The following SIAE variants were observed in gnomAD, a reference collection of about 807,000 sequenced individuals.
SIAE encodes the protein sialate O-acetylesterase.
Under a neutral mutation model 52.6 loss-of-function variants are expected in SIAE, and 39 were observed. That is an observed-to-expected ratio of 0.74 (90% CI 0.57 to 0.97). The LOEUF (loss-of-function observed/expected upper bound fraction) is 0.97. SIAE is among the 50% of genes least tolerant of loss of function. SIAE has a pLI of 0.00. For synonymous variants in SIAE, 233 were observed against 241.4 expected, an observed-to-expected ratio of 0.97 and a Z score of 0.32; for missense variants, 592 against 662.1, an observed-to-expected ratio of 0.89 and a Z score of 1.16.
At chr11:124,649,894 G>A in intron 4 of SIAE, 98 bp from the exon 5 acceptor site, 1 of 1,124,406 alleles carries the variant, frequency 8.9e-7, no homozygotes, top group Non-Finnish European at 1.3e-6. Context: ...GTGGGCAGAG[G>A]TCATTCTTCT....
At chr11:124,640,629 A>G (rs1179962136) in intron 7 of SIAE, among the ~76,000 whole-genome samples, 2 of 152,198 alleles carry the variant, frequency 1.3e-5, no homozygotes, top group Non-Finnish European at 2.9e-5. Context: ...GCTAAATTGC[A>G]TCAGTGACCC....
intron 7 of SIAE, among the ~76,000 whole-genome samples, chr11:124,643,304 T>C (rs1591384904): frequency 6.6e-6 from 1 of 151,874 alleles, no homozygotes; most frequent in African/African-American, 2.4e-5. Flanking sequence ...GGTCGGCGGG[T>C]AATGTGGGCA....
At chr11:124,644,770 T>C (rs891076824) in intron 7 of SIAE, among the ~76,000 whole-genome samples, 1 of 152,212 alleles carries the variant, frequency 6.6e-6, no homozygotes, top group Non-Finnish European at 1.5e-5. Context: ...GCTGTTTCGC[T>C]CTCAGGCTCC....
In SIAE at chr11:124,636,983, C is replaced by G. The variant is rs766162878; in HGVS notation, c.1540G>C (p.Gly514Arg). 1.2e-6 allele frequency: 2 copies of G among 1,614,100 alleles called. No individual in the cohort carries two copies. The highest frequency in any genetic ancestry group is 1.1e-5 in the South Asian group (1 of 91,072). Residue 514 changes from glycine (G) to arginine (R), a missense_variant, in exon 10 of 10, where the codon GGT (glycine) becomes CGT (arginine). Coordinates refer to ENST00000263593, the MANE Select transcript of SIAE (RefSeq NM_170601.5). ...PPFIAFITDQ[G>R]PGHQSNVAK Reference sequence around the variant, plus strand: ...GCAACATTGCTCTGATGTCCAGGACCCTGGTCTGTAATGAAAGCAATGAAG... The same window carrying G: ...GCAACATTGCTCTGATGTCCAGGACGCTGGTCTGTAATGAAAGCAATGAAG...
At chr11:124,655,477 T>C (rs1486473607) in intron 3 of SIAE, among the ~76,000 whole-genome samples, 1 of 152,128 alleles carries the variant, frequency 6.6e-6, no homozygotes, top group African/African-American at 2.4e-5. Flanking sequence ...ACCCAGCCAA[T>C]TAACTTCTTT....
At chr11:124,656,811 T>C (rs1943108135) in intron 3 of SIAE, among the ~76,000 whole-genome samples, 1 of 152,206 alleles carries the variant, frequency 6.6e-6, no homozygotes, top group Non-Finnish European at 1.5e-5. Context: ...CAGTTACCGC[T>C]TGCCTCAGGG....
chr11:124,634,813 T>C lies in SIAE; in HGVS notation c.*2138A>G, dbSNP rs1403927911. ...ACAAAATAATATGTACTGTATAAAA[T>C]TATATAACTCAAGTCAAGTGAATGG... On this transcript the variant is annotated 3_prime_UTR_variant, in exon 10 of 10. Transcript: ENST00000263593. The C allele has an allele frequency of 6.6e-6, 1 of 152,168 alleles. No individual in the cohort carries two copies. Among genetic ancestry groups the C allele is most frequent in the Non-Finnish European group, 1.5e-5 (1 of 68,024 alleles). 9.4% of individuals were successfully genotyped at this position (152,168 alleles called of 1,614,324 possible). A position where few individuals can be genotyped will look rare whatever the true frequency, so the allele number is the denominator to read the frequency against.
At chr11:124,655,083 C>G (rs758544268) in intron 3 of SIAE, among the ~76,000 whole-genome samples, 95 of 152,058 alleles carry the variant, frequency 6.2e-4, no homozygotes, top group Admixed American at 9.8e-4. Context: ...GAATATTGCC[C>G]AGCACTTACA....
chr11:124,635,314 A>G lies in SIAE; in HGVS notation c.*1637T>C, dbSNP rs1942703727. 3 of 152,198 alleles carry G rather than the reference A, an allele frequency of 2.0e-5. No homozygotes were observed. The highest frequency in any genetic ancestry group is 2.0e-4 in the Admixed American group (3 of 15,282). 9.4% of individuals were successfully genotyped at this position (152,198 alleles called of 1,614,324 possible). On this transcript the variant is annotated 3_prime_UTR_variant, in exon 10 of 10. Coordinates refer to ENST00000263593, the MANE Select transcript of SIAE (RefSeq NM_170601.5). ...TAACTGAACGAGTTGAATGCTAGGA[A>G]GTCCTCAGGGGAGCCAACGTTCCTT...
rs1186440421 is a variant in SIAE, at chr11:124,637,109, G to A, written c.1414C>T (p.His472Tyr). ...QSLTLAIDSCHGTVVALRYAW... is the reference protein window; with the variant it reads ...QSLTLAIDSCYGTVVALRYAW... ...TAGCGGAGAGCAACCACAGTGCCAT[G>A]ACAAGAATCGATCGCCAGGGTCAGG... Residue 472 changes from histidine to tyrosine, a missense_variant, in exon 10 of 10, where the codon CAT (histidine) becomes TAT (tyrosine). Physicochemically the swap from His to Tyr is moderately conservative, Grantham distance 83. Transcript: ENST00000263593. 2.5e-6 allele frequency: 4 copies of A among 1,614,182 alleles called. No individual in the cohort carries two copies. The Admixed American group carries it at 5.0e-5, about 20-fold the overall frequency.
chr11:124,651,836 A>G (rs768445695), intron 4 of SIAE, among the ~76,000 whole-genome samples: 5 of 152,162 alleles, frequency 3.3e-5, no homozygotes, highest in Non-Finnish European at 7.3e-5. Flanking sequence ...CTGTATCCCC[A>G]GCGTCCAGGA....
At chr11:124,651,389 T>C (rs991733654) in intron 4 of SIAE, among the ~76,000 whole-genome samples, 2 of 151,672 alleles carry the variant, frequency 1.3e-5, no homozygotes, top group African/African-American at 4.8e-5. Flanking sequence ...CTACTAAAAA[T>C]ACAAAAAAAT....
chr11:124,641,123 A>G (rs914887705), intron 7 of SIAE, among the ~76,000 whole-genome samples: 1 of 152,260 alleles, frequency 6.6e-6, no homozygotes, highest in Non-Finnish European at 1.5e-5. Context: ...AGAAATAAAC[A>G]TAAGGATTGA....
At chr11:124,666,909 T>C (rs972044544) in intron 2 of SIAE, among the ~76,000 whole-genome samples, 1 of 152,202 alleles carries the variant, frequency 6.6e-6, no homozygotes, top group Non-Finnish European at 1.5e-5. Flanking sequence ...CTCCTAATTA[T>C]TACCTTTCAT....
chr11:124,658,192 A>T (rs558376811), intron 3 of SIAE, among the ~76,000 whole-genome samples: 19 of 152,146 alleles, frequency 1.2e-4, no homozygotes, highest in Non-Finnish European at 2.5e-4. Context: ...GAATCTTGGC[A>T]TGGGGTCTGC....
intron 2 of SIAE, among the ~76,000 whole-genome samples, chr11:124,667,253 G>A (rs1943285952): frequency 6.6e-6 from 1 of 152,120 alleles, no homozygotes; most frequent in Non-Finnish European, 1.5e-5. Context: ...CAAACAGAAA[G>A]CACTGAGAGT....
intron 8 of SIAE, among the ~76,000 whole-genome samples, chr11:124,639,037 A>G (rs767854408): frequency 1.3e-5 from 2 of 152,198 alleles, no homozygotes; most frequent in Non-Finnish European, 2.9e-5. Flanking sequence ...CTAACCTAAG[A>G]GAGCTAACTC....
rs1044769001 is a variant in SIAE, at chr11:124,670,750, C to T, written c.68-1229G>A. On this transcript the variant is annotated intron_variant, in intron 1 of 9. Coordinates refer to ENST00000263593, the MANE Select transcript of SIAE (RefSeq NM_170601.5). The surrounding 1 kb of genome is among the most constrained non-coding windows in gnomAD (Gnocchi z 4.5). ...CAGCCCAGTCCCTAAAAATCCTCAGCGCTCTCTTATGAGCTAGTGTGATCA... is the reference window on the plus strand; with the variant it reads ...CAGCCCAGTCCCTAAAAATCCTCAGTGCTCTCTTATGAGCTAGTGTGATCA... Among the ~76,000 whole-genome samples, 3 of 152,182 alleles carry T rather than the reference C, an allele frequency of 2.0e-5. No homozygotes were observed. Among genetic ancestry groups the T allele is most frequent in the Admixed American group, 6.5e-5 (1 of 15,280 alleles).
chr11:124,663,105 T>C (rs543979271), intron 2 of SIAE, among the ~76,000 whole-genome samples: 3 of 151,658 alleles, frequency 2.0e-5, no homozygotes, highest in South Asian at 2.1e-4. Flanking sequence ...GATTGCACCA[T>C]TGCATTCCAG....
Sources: gnomAD v4.1 joint callset for allele counts (sites outside exome capture counted in the v4.1 genomes callset) on GRCh38, gnomAD v4.1.1 for gene constraint, Gnocchi (gnomAD v3.1) non-coding constraint, MANE v1.5 for transcripts, NCBI Gene and HGNC (gene_info 2026-07-23, HGNC 2026-07-21) for gene names.